The following PEDS1 variants were observed in gnomAD, a reference collection of about 807,000 sequenced individuals.
The protein encoded by PEDS1 is plasmanylethanolamine desaturase 1.
A neutral mutation model predicts 35.2 loss-of-function variants in PEDS1; 14 were observed. The ratio of observed to expected loss-of-function variants is 0.40; its 90% confidence interval spans 0.26 to 0.62. PEDS1 has a LOEUF of 0.62. Ranked by LOEUF, PEDS1 falls within the 20% of genes least tolerant of loss-of-function variation. The probability of loss-of-function intolerance (pLI) is 0.44; values close to 1 mark genes in which losing one functional copy is unlikely to be tolerated. For missense variants in PEDS1, 260 were observed against 367.8 expected, an observed-to-expected ratio of 0.71 and a Z score of 2.40; for synonymous variants, 152 against 152.0, an observed-to-expected ratio of 1.00 and a Z score of 0.00.
rs2081055621 is a variant in PEDS1, at chr20:50,122,067, C to A, written c.*2991G>T. 6.6e-6 allele frequency: 1 copy of A among 152,316 alleles called. No individual in the cohort carries two copies. Among genetic ancestry groups the A allele is most frequent in the South Asian group, 2.1e-4 (1 of 4,816 alleles). 9.4% of individuals were successfully genotyped at this position (152,316 alleles called of 1,614,324 possible). A position where few individuals can be genotyped will look rare whatever the true frequency, so the allele number is the denominator to read the frequency against. On this transcript the variant is annotated 3_prime_UTR_variant, in exon 6 of 6. Transcript: ENST00000371652. ...GTGACCCAGTCCAGACCAATGAGAG[C>A]CTGCCCTGGGACTTCCACTGCAACT...
chr20:50,131,003 CTCAT>C, intron 2 of PEDS1, 56 bp from the exon 3 acceptor site: 1 of 1,613,974 alleles, frequency 6.2e-7, no homozygotes, highest in Non-Finnish European at 8.5e-7. Flanking sequence ...ATCAGAATCA[CTCAT>C]TCATTTACTC....
intron 2 of PEDS1, chr20:50,131,160 T>G: frequency 8.3e-7 from 1 of 1,205,834 alleles, no homozygotes; most frequent in South Asian, 1.3e-5. Flanking sequence ...CCAAGACTCA[T>G]GTGCTTGGAG....
Position 50,149,071 on chromosome 20 carries a change from C to T in PEDS1, c.121+4446G>A, listed in dbSNP as rs141514175. Among the ~76,000 whole-genome samples, 230 of 152,230 alleles carry T rather than the reference C, an allele frequency of 1.5e-3. 2 individuals carry two copies. The highest frequency in any genetic ancestry group is 2.1e-3 in the Non-Finnish European group (141 of 68,022). ...TGGGTTGCAGTGAGCTGCAATCGCT[C>T]CATCACACTCCAGCCTAGGTAACAG... is the stretch of plus-strand genomic sequence containing the variant. On this transcript the variant is annotated intron_variant, in intron 1 of 5. Transcript: ENST00000371652.
At chr20:50,137,444 A>T (rs1387457069) in intron 2 of PEDS1, among the ~76,000 whole-genome samples, 1 of 152,182 alleles carries the variant, frequency 6.6e-6, no homozygotes, top group Non-Finnish European at 1.5e-5. Context: ...TTTTGCTATG[A>T]TGTGATGAAA....
At chr20:50,150,199 G>A (rs1231951430) in intron 1 of PEDS1, among the ~76,000 whole-genome samples, 1 of 152,174 alleles carries the variant, frequency 6.6e-6, no homozygotes, top group Non-Finnish European at 1.5e-5. Flanking sequence ...GAGAGCAGGT[G>A]AGGAAAATGC....
rs898321139 is a variant in PEDS1, at chr20:50,120,148, C to T, written c.*4910G>A. ...GATGTGGTGGTGTCCATCTGTAGTC[C>T]TAGCTACTCAGGAGGCTGAGGTGGG... On this transcript the variant is annotated 3_prime_UTR_variant, in exon 6 of 6. Transcript: ENST00000371652. 5.2e-5 allele frequency: 8 copies of T among 155,010 alleles called. No homozygotes were observed. The East Asian group carries it at 1.5e-3, about 29-fold the overall frequency. The allele number at this position is 155,010 out of a possible 1,614,324, so 9.6% of individuals were successfully genotyped here.
chr20:50,147,370 C>G (rs1414172045), intron 1 of PEDS1, among the ~76,000 whole-genome samples: 1 of 152,228 alleles, frequency 6.6e-6, no homozygotes, highest in Admixed American at 6.5e-5. Flanking sequence ...CCAGGTTCAC[C>G]CTGGTCCTCT....
intron 2 of PEDS1, among the ~76,000 whole-genome samples, chr20:50,141,368 G>A (rs1306524981): frequency 1.3e-5 from 2 of 152,250 alleles, no homozygotes; most frequent in East Asian, 1.9e-4. Flanking sequence ...CAAAACATCC[G>A]TGATTAAACT....
chr20:50,132,061 G>A (rs1274145955), intron 2 of PEDS1, among the ~76,000 whole-genome samples: 2 of 151,954 alleles, frequency 1.3e-5, no homozygotes, highest in African/African-American at 4.8e-5. Flanking sequence ...AAAATTAGCC[G>A]GGTGTGGTGG....
intron 3 of PEDS1, 150 bp downstream of exon 3, chr20:50,130,706 C>G: frequency 2.0e-6 from 2 of 1,002,578 alleles, no homozygotes; most frequent in Non-Finnish European, 2.9e-6. Flanking sequence ...GACTCCTGTT[C>G]TAGTCTTGCA....
chr20:50,147,027 A>C (rs1453484506), intron 1 of PEDS1, among the ~76,000 whole-genome samples: 1 of 152,148 alleles, frequency 6.6e-6, no homozygotes, highest in Non-Finnish European at 1.5e-5. Flanking sequence ...AGAAGGAAAG[A>C]ACAAGTGAAC....
chr20:50,142,692 C>T (rs973231817), intron 2 of PEDS1, among the ~76,000 whole-genome samples: 2 of 102,304 alleles, frequency 2.0e-5, no homozygotes, highest in Non-Finnish European at 4.4e-5. Flanking sequence ...GCCCCCCCCC[C>T]CCCGCCCCAA....
rs983489873 is a variant in PEDS1, at chr20:50,119,233, C to G, written c.*5825G>C. ...ATTGCTTGAGCACAGGAGTTTGAGA[C>G]GAGTCTGGGCAACAAAGCAAGACCC... On this transcript the variant is annotated 3_prime_UTR_variant, in exon 6 of 6. Transcript: ENST00000371652. 1 of 151,754 alleles carries G rather than the reference C, an allele frequency of 6.6e-6. No homozygotes were observed. The highest frequency in any genetic ancestry group is 2.4e-5 in the African/African-American group (1 of 41,284). The allele number at this position is 151,754 out of a possible 1,614,324, so 9.4% of individuals were successfully genotyped here.
Position 50,129,738 on chromosome 20 carries a change from G to T in PEDS1, c.334-48C>A. The T allele has an allele frequency of 6.2e-7, 1 of 1,607,042 alleles. No homozygotes were observed. Among genetic ancestry groups the T allele is most frequent in the Non-Finnish European group, 8.5e-7 (1 of 1,177,256 alleles). On this transcript the variant is annotated intron_variant, in intron 3 of 5. Coordinates refer to ENST00000371652, the MANE Select transcript of PEDS1 (RefSeq NM_199129.4). The surrounding 1 kb of genome is among the most constrained non-coding windows in gnomAD (Gnocchi z 4.2). ...CCCAGCAGTCAGCCTAAGGTGGTCA[G>T]CTGCTCTCCACAGCCCCCTAAACAC...
chr20:50,127,623 G>A (rs1428052350), intron 5 of PEDS1, among the ~76,000 whole-genome samples: 1 of 152,216 alleles, frequency 6.6e-6, no homozygotes, highest in Non-Finnish European at 1.5e-5. Context: ...TGGGATTCCA[G>A]GCATGAGCCA....
intron 1 of PEDS1, among the ~76,000 whole-genome samples, chr20:50,146,097 A>C (rs974011494): frequency 1.3e-5 from 2 of 152,088 alleles, no homozygotes; most frequent in African/African-American, 4.8e-5. Flanking sequence ...GCCCCCACTT[A>C]AGCAGCGGGG....
Position 50,143,597 on chromosome 20 carries a change from G to C in PEDS1, c.146C>G (p.Ser49Cys), listed in dbSNP as rs1481501780. 1 of 1,614,126 alleles carries C rather than the reference G, an allele frequency of 6.2e-7. No individual in the cohort carries two copies. The highest frequency in any genetic ancestry group is 1.3e-5 in the African/African-American group (1 of 75,036). ...SPGKRLQEWC[S>C]VILCFSLIAH... ...GATGAGGCTGAAGCACAGGATCACA[G>C]AGCACCACTCCTGGAGGCGCTTGCC... The change falls in exon 2 of 6, where the codon TCT becomes TGT. Residue 49 changes from serine to cysteine, a missense_variant. Coordinates refer to ENST00000371652, the MANE Select transcript of PEDS1 (RefSeq NM_199129.4).
At position 50,145,363 on chromosome 20, in the gene PEDS1, C is replaced by T. The variant is rs189764727; in HGVS notation, c.122-1742G>A. On this transcript the variant is annotated intron_variant, in intron 1 of 5. Transcript: ENST00000371652. ...TGGGCAACATAGCAAAACCCTGTCT[C>T]TATTAATAAACAAAACAAAACAAAA... Among the ~76,000 whole-genome samples, 467 of 152,140 alleles carry T rather than the reference C, an allele frequency of 3.1e-3. 4 individuals are homozygous for T. Among genetic ancestry groups the T allele is most frequent in the African/African-American group, 0.011 (439 of 41,508 alleles).
chr20:50,120,495 T>TATAC lies in PEDS1; in HGVS notation c.*4562_*4563insGTAT, dbSNP rs1555882824. On this transcript the variant is annotated 3_prime_UTR_variant, in exon 6 of 6. Transcript: ENST00000371652. The stretch of plus-strand genomic sequence containing the variant: ...ATATATATTGCTATATATATATATA[T>TATAC]ACCCATATATATATGTGGGTAGCTT... 6.6e-6 allele frequency: 1 copy of TATAC among 151,102 alleles called. No individual in the cohort carries two copies. The highest frequency in any genetic ancestry group is 2.4e-5 in the African/African-American group (1 of 41,028). 9.4% of individuals were successfully genotyped at this position (151,102 alleles called of 1,614,324 possible). A position where few individuals can be genotyped will look rare whatever the true frequency, so the allele number is the denominator to read the frequency against.
Sources: allele counts gnomAD v4.1 joint callset (sites outside exome capture counted in the v4.1 genomes callset), GRCh38; gene constraint gnomAD v4.1.1; non-coding constraint Gnocchi (gnomAD v3.1); transcripts MANE v1.5; gene names NCBI Gene and HGNC (gene_info 2026-07-23, HGNC 2026-07-21).